The following EYS variants were observed in gnomAD, a reference collection of about 807,000 sequenced individuals.
EYS encodes the protein protein eyes shut homolog.
In EYS, 250 loss-of-function variants were observed where a neutral mutation model predicts 282.1. The ratio of observed to expected loss-of-function variants is 0.89; its 90% CI spans 0.80 to 0.98. EYS has a LOEUF of 0.98. Ranked by LOEUF, EYS falls within the 50% of genes least tolerant of loss-of-function variation. The probability of loss-of-function intolerance (pLI) is 0.00; values close to 1 mark genes in which losing one functional copy is unlikely to be tolerated. For synonymous variants in EYS, 1,355 were observed against 1,282.9 expected (o/e 1.06, Z -1.20); for missense variants, 4,016 against 3,709.0 (o/e 1.08, Z -2.15).
rs1182227113 is a variant in EYS, at chr6:64,590,910, T to C, written c.4957A>G (p.Ser1653Gly). The C allele has an allele frequency of 1.9e-6, 3 of 1,550,384 alleles. No homozygotes were observed. The East Asian group carries it at 7.3e-5, about 38-fold the overall frequency. ...SSLEESITLS[S>G]NLDVNLCLDK... The stretch of plus-strand genomic sequence containing the variant: ...AAACATAAATTAACATCCAAATTAC[T>C]TGATAGGGTAATGGATTCTTCCAAG... Residue 1653 changes from serine to glycine, a missense_variant, in exon 26 of 43, where the codon AGT (serine) becomes GGT (glycine). Coordinates refer to ENST00000503581, the MANE Select transcript of EYS (RefSeq NM_001142800.2).
rs537936844 is a variant in EYS at position 64,747,988 on chromosome 6, T to C, written c.3443+65390A>G. Among the ~76,000 whole-genome samples the C allele has an allele frequency of 1.4e-4, 22 of 152,366 alleles. No individual in the cohort carries two copies. The South Asian group carries it at 4.6e-3, about 32-fold the overall frequency. ...ACTTCTCTTTGATGTTTTTCACATA[T>C]TTATTTCCAATATCTGTCATTTATA... On this transcript the variant is annotated intron_variant, in intron 22 of 42. Coordinates refer to ENST00000503581, the MANE Select transcript of EYS (RefSeq NM_001142800.2).
At chr6:64,328,901 G>C (rs694250) in intron 29 of EYS, among the ~76,000 whole-genome samples, 104,328 of 152,006 alleles carry the variant, frequency 0.69, 35,832 homozygotes, top group South Asian at 0.71. Context: ...CAATGTGTGA[G>C]ATGCAAGCAG....
intron 21 of EYS, among the ~76,000 whole-genome samples, chr6:64,819,204 C>T (rs1764827291): frequency 6.6e-6 from 1 of 152,094 alleles, no homozygotes; most frequent in Non-Finnish European, 1.5e-5. Flanking sequence ...ATGTAGATCA[C>T]TTTCCATGTG....
chr6:65,599,518 T>C (rs372330479), intron 2 of EYS, among the ~76,000 whole-genome samples: 2 of 152,102 alleles, frequency 1.3e-5, no homozygotes, highest in East Asian at 1.9e-4. Context: ...CCTTGATCCA[T>C]CTTTGTGAAC....
chr6:64,847,860 G>A (rs923096906), intron 19 of EYS, among the ~76,000 whole-genome samples: 66 of 152,000 alleles, frequency 4.3e-4, no homozygotes, highest in African/African-American at 1.4e-3. Flanking sequence ...TTTGTAGAGT[G>A]GAACCCTAAT....
chr6:64,287,599 G>C (rs1365341064), intron 30 of EYS, among the ~76,000 whole-genome samples: 1 of 152,026 alleles, frequency 6.6e-6, no homozygotes, highest in Non-Finnish European at 1.5e-5. Flanking sequence ...GAGCAACATG[G>C]AAGAACGGGT....
chr6:65,549,820 G>A (rs9354264), intron 2 of EYS, among the ~76,000 whole-genome samples: 23,521 of 152,084 alleles, frequency 0.15, 2,312 homozygotes, highest in Middle Eastern at 0.28. Context: ...GCCTATCCTT[G>A]TCCTTCCTGA....
chr6:64,908,011 T>C (rs1440104153), intron 16 of EYS, among the ~76,000 whole-genome samples: 1 of 152,138 alleles, frequency 6.6e-6, no homozygotes, highest in Non-Finnish European at 1.5e-5. Context: ...CTCTTATAAA[T>C]CATGCGAAAC....
At chr6:64,567,094 A>G (rs894947203) in intron 26 of EYS, among the ~76,000 whole-genome samples, 1 of 152,130 alleles carries the variant, frequency 6.6e-6, no homozygotes, top group Non-Finnish European at 1.5e-5. Context: ...ATCTTTCAAG[A>G]TATTTTTAAA....
At chr6:65,308,021 G>C (rs1769059492) in intron 11 of EYS, among the ~76,000 whole-genome samples, 1 of 146,498 alleles carries the variant, frequency 6.8e-6, no homozygotes, top group Admixed American at 6.9e-5. Context: ...CATCCAGGCT[G>C]GAGTGCAGTG....
intron 29 of EYS, among the ~76,000 whole-genome samples, chr6:64,367,638 T>G (rs1244740151): frequency 6.6e-6 from 1 of 152,074 alleles, no homozygotes; most frequent in Non-Finnish European, 1.5e-5. Flanking sequence ...GCTGTTATCT[T>G]TGATCTTTTT....
At chr6:65,672,626 A>G (rs1041545157) in intron 1 of EYS, among the ~76,000 whole-genome samples, 1 of 152,144 alleles carries the variant, frequency 6.6e-6, no homozygotes, top group African/African-American at 2.4e-5. Context: ...GTATCAAAAA[A>G]CTATCTCCAG....
intron 11 of EYS, among the ~76,000 whole-genome samples, chr6:65,322,932 C>T (rs1010885633): frequency 6.6e-6 from 1 of 151,456 alleles, no homozygotes; most frequent in Non-Finnish European, 1.5e-5. Flanking sequence ...ATTTAATTTG[C>T]AAAAATTAAA....
chr6:65,037,598 T>C (rs1418313993), intron 13 of EYS, among the ~76,000 whole-genome samples: 2 of 151,810 alleles, frequency 1.3e-5, no homozygotes, highest in African/African-American at 2.4e-5. Flanking sequence ...AACAATACGA[T>C]ATTTATACCT....
intron 2 of EYS, among the ~76,000 whole-genome samples, chr6:65,513,751 T>C (rs1766996280): frequency 2.0e-5 from 3 of 151,774 alleles, no homozygotes; most frequent in East Asian, 3.9e-4. Context: ...CCCTTCATGC[T>C]AAAAACTCTC....
At chr6:64,629,382 G>C (rs1411568008) in intron 22 of EYS, among the ~76,000 whole-genome samples, 1 of 151,956 alleles carries the variant, frequency 6.6e-6, no homozygotes. Flanking sequence ...TAAATAATTT[G>C]AAATAATTTC....
At chr6:64,357,568 G>A (rs999999940) in intron 29 of EYS, among the ~76,000 whole-genome samples, 3 of 151,528 alleles carry the variant, frequency 2.0e-5, no homozygotes, top group Non-Finnish European at 3.0e-5. Flanking sequence ...ATAAAGGGAT[G>A]TGTGTGAACG....
At chr6:65,060,446 C>A (rs1420311610) in intron 12 of EYS, among the ~76,000 whole-genome samples, 1 of 151,858 alleles carries the variant, frequency 6.6e-6, no homozygotes, top group South Asian at 2.1e-4. Context: ...AGGAGAAATA[C>A]AAATTTAGAG....
chr6:64,341,468 C>T (rs1357530774), intron 29 of EYS, among the ~76,000 whole-genome samples: 1 of 151,694 alleles, frequency 6.6e-6, no homozygotes, highest in Non-Finnish European at 1.5e-5. Context: ...CTCATGTTCT[C>T]ACTTATAAGT....
Sources: allele counts gnomAD v4.1 joint callset (sites outside exome capture counted in the v4.1 genomes callset), GRCh38; gene constraint gnomAD v4.1.1; transcripts MANE v1.5; gene names NCBI Gene and HGNC (gene_info 2026-07-23, HGNC 2026-07-21).